CEP72: variants seen among roughly 807,000 people sequenced by gnomAD.
CEP72 encodes centrosomal protein 72, also known as centrosomal protein of 72 kDa.
A neutral mutation model predicts 65.7 loss-of-function variants in CEP72; 78 were observed. The ratio of observed to expected loss-of-function variants is 1.19; its 90% CI spans 0.99 to 1.43. The LOEUF (loss-of-function observed/expected upper bound fraction) is 1.43. CEP72 is among the 40% of genes most tolerant of loss of function. The pLI, the probability that CEP72 is intolerant of heterozygous loss-of-function variation, is 0.00. For missense variants in CEP72, 914 were observed against 832.9 expected (o/e 1.10, Z -1.20); for synonymous variants, 358 against 351.7 (o/e 1.02, Z -0.20).
chr5:671,709 G>T (rs187422385), downstream of CEP72, among the ~76,000 whole-genome samples: 1 of 152,206 alleles, frequency 6.6e-6, no homozygotes, highest in Non-Finnish European at 1.5e-5. Context: ...GGGTCCCCCC[G>T]CAGGGGCTCC....
downstream of CEP72, among the ~76,000 whole-genome samples, chr5:669,404 C>G (rs1358840056): frequency 6.6e-6 from 1 of 152,182 alleles, no homozygotes; most frequent in Admixed American, 6.5e-5. Flanking sequence ...CTAGAAGAGC[C>G]AGGCCACCCC....
chr5:618,181 G>A (rs1019292933), intron 1 of CEP72, among the ~76,000 whole-genome samples: 2 of 152,142 alleles, frequency 1.3e-5, no homozygotes, highest in Admixed American at 6.5e-5. Context: ...GTTTTGGAGG[G>A]AGAGGCAGTA....
chr5:639,677 G>T (rs944482591), intron 8 of CEP72, among the ~76,000 whole-genome samples: 1 of 152,204 alleles, frequency 6.6e-6, no homozygotes, highest in Non-Finnish European at 1.5e-5. Flanking sequence ...ACTTGGGTCT[G>T]TTGGATTCTA....
chr5:636,498 A>G (rs1709558), intron 6 of CEP72, among the ~76,000 whole-genome samples: 36,955 of 152,114 alleles, frequency 0.24, 4,585 homozygotes, highest in East Asian at 0.43. Flanking sequence ...CCTATGTGGC[A>G]TAAGTATCAG....
chr5:672,973 C>T, the CEP72 span, among the ~76,000 whole-genome samples: 223 of 152,348 alleles, frequency 1.5e-3, 1 homozygote, highest in African/African-American at 5.0e-3. Context: ...GGCGCCACGC[C>T]GGTGGAGCCA....
At chr5:652,686 C>G (rs1357336883) in intron 11 of CEP72, among the ~76,000 whole-genome samples, 1 of 152,244 alleles carries the variant, frequency 6.6e-6, no homozygotes, top group African/African-American at 2.4e-5. Context: ...CCATGCGTAG[C>G]TGGAATAGCC....
At chr5:668,858 C>G (rs913617655), downstream of CEP72, among the ~76,000 whole-genome samples, 2 of 152,232 alleles carry the variant, frequency 1.3e-5, no homozygotes, top group Non-Finnish European at 1.5e-5. Context: ...GAGAACAAGC[C>G]CAGGATACGC....
At chr5:643,756 G>A in intron 9 of CEP72, 1 of 708,970 alleles carries the variant, frequency 1.4e-6, no homozygotes, top group Non-Finnish European at 1.7e-6. Flanking sequence ...GGCCAGGGAG[G>A]GGCAGAGGCT....
At position 623,591 on chromosome 5, in the gene CEP72, G is replaced by A. The variant is rs1015775888; in HGVS notation, c.404-880G>A. On this transcript the variant is annotated intron_variant, in intron 3 of 11. Transcript: ENST00000264935. The surrounding 1 kb of genome is among the most constrained non-coding windows in gnomAD (Gnocchi z 5.3). ...TGGAACTGACTCAGAAGGGAAGCGA[G>A]TCTTGGTGGGCAGAGAGCTATGCGT... is the stretch of plus-strand genomic sequence containing the variant. Among the ~76,000 whole-genome samples the A allele has an allele frequency of 6.6e-6, 1 of 152,106 alleles. No individual in the cohort carries two copies. Among genetic ancestry groups the A allele is most frequent in the African/African-American group, 2.4e-5 (1 of 41,420 alleles).
rs113185769 is a variant in CEP72 at position 628,750 on chromosome 5, T to C, written c.512+4171T>C. Among the ~76,000 whole-genome samples, 504 of 92,046 alleles carry C rather than the reference T, an allele frequency of 5.5e-3. 11 individuals carry two copies. Among genetic ancestry groups the C allele is most frequent in the African/African-American group, 0.027 (347 of 12,756 alleles). 60.4% of individuals were successfully genotyped at this position (92,046 alleles called of 152,430 possible). A position where few individuals can be genotyped will look rare whatever the true frequency, so the allele number is the denominator to read the frequency against. ...TGTGCAGCTTCTGGAGAACTCAGGT[T>C]GCAGTCCCCGGGGAGTGTTCCCACG... On this transcript the variant is annotated intron_variant, in intron 4 of 11. Transcript: ENST00000264935.
the CEP72 span, among the ~76,000 whole-genome samples, chr5:672,974 G>A: frequency 7.3e-4 from 111 of 152,282 alleles, 1 homozygote; most frequent in African/African-American, 2.4e-3. Context: ...GCGCCACGCC[G>A]GTGGAGCCAT....
chr5:671,437 T>G (rs1740220370), downstream of CEP72, among the ~76,000 whole-genome samples: 1 of 151,994 alleles, frequency 6.6e-6, no homozygotes, highest in African/African-American at 2.4e-5. Flanking sequence ...AGGGCTTTGG[T>G]CTGTGCACCT....
Position 612,460 on chromosome 5 carries a change from G to A in CEP72, c.82+17G>A. The stretch of plus-strand genomic sequence containing the variant: ...GCGACCTGGGTGCGCCGGAGGGCGG[G>A]CGGGGGTGCAAGCGTGAGGTGGCGG... On this transcript the variant is annotated intron_variant, in intron 1 of 11. Transcript: ENST00000264935. 7.0e-7 allele frequency: 1 copy of A among 1,438,684 alleles called. No individual in the cohort carries two copies. The highest frequency in any genetic ancestry group is 9.1e-7 in the Non-Finnish European group (1 of 1,096,776). The allele number at this position is 1,438,684 out of a possible 1,614,324, so 89.1% of individuals were successfully genotyped here.
At chr5:675,617 G>A in the CEP72 span, among the ~76,000 whole-genome samples, 23 of 151,866 alleles carry the variant, frequency 1.5e-4, no homozygotes, top group Admixed American at 1.4e-3. Flanking sequence ...GTGTGGCCGG[G>A]AGTGCAGTGC....
At chr5:673,237 C>T in the CEP72 span, among the ~76,000 whole-genome samples, 5 of 152,340 alleles carry the variant, frequency 3.3e-5, no homozygotes, top group African/African-American at 4.8e-5. Flanking sequence ...CCCAACGCCT[C>T]GTGGTGGCCC....
intron 9 of CEP72, chr5:643,082 C>A: frequency 1.0e-6 from 1 of 980,938 alleles, no homozygotes; most frequent in Non-Finnish European, 1.2e-6. Context: ...GGTGTGGTGG[C>A]ACACTCCTGT....
At chr5:626,729 G>A (rs1736782657) in intron 4 of CEP72, among the ~76,000 whole-genome samples, 1 of 152,164 alleles carries the variant, frequency 6.6e-6, no homozygotes, top group Non-Finnish European at 1.5e-5. Flanking sequence ...CGGGAGGCAG[G>A]AAGACCCCCT....
In CEP72 at chr5:625,361, A is replaced by G. The variant is rs191292512; in HGVS notation, c.512+782A>G. On this transcript the variant is annotated intron_variant, in intron 4 of 11. Transcript: ENST00000264935. Reference sequence around the variant, plus strand: ...TTTTTTTCTTGTGTGAGATGCCTCCACTCATTTTAAACTCCTAGTGCAGGG... The same window carrying G: ...TTTTTTTCTTGTGTGAGATGCCTCCGCTCATTTTAAACTCCTAGTGCAGGG... 2.0e-5 allele frequency among the ~76,000 whole-genome samples: 3 copies of G among 152,108 alleles called. No individual in the cohort carries two copies. The East Asian group carries it at 5.8e-4, about 29-fold the overall frequency.
chr5:625,263 G>A (rs1736679576), intron 4 of CEP72, among the ~76,000 whole-genome samples: 3 of 152,238 alleles, frequency 2.0e-5, no homozygotes, highest in African/African-American at 7.2e-5. Flanking sequence ...TGTCTGCATA[G>A]CCGTGGAAAG....
Sources: allele counts gnomAD v4.1 joint callset (sites outside exome capture counted in the v4.1 genomes callset), GRCh38; gene constraint gnomAD v4.1.1; non-coding constraint Gnocchi (gnomAD v3.1); transcripts MANE v1.5; gene names NCBI Gene and HGNC (gene_info 2026-07-23, HGNC 2026-07-21).